PGCKA1: variants seen among roughly 807,000 people sequenced by gnomAD.
The protein encoded by PGCKA1 is PDCD10 and GCKIII kinases-associated protein 1.
chr4:37,591,057 T>G, the PGCKA1 span: 117,966 of 1,429,436 alleles, frequency 0.083, 6,208 homozygotes, highest in East Asian at 0.29. Flanking sequence ...GCAGATGCAT[T>G]TGCTCCCTGG....
At chr4:37,581,319 C>T in the PGCKA1 span, among the ~76,000 whole-genome samples, 1 of 152,114 alleles carries the variant, frequency 6.6e-6, no homozygotes, top group Non-Finnish European at 1.5e-5. This position sits in a 1 kb window ranked among gnomAD's most constrained non-coding sequence, Gnocchi z 4.4. Flanking sequence ...AGTCTCTCCC[C>T]ATAGCCACCA....
At chr4:37,533,499 TTC>T in the PGCKA1 span, among the ~76,000 whole-genome samples, 3 of 152,208 alleles carry the variant, frequency 2.0e-5, no homozygotes, top group Non-Finnish European at 4.4e-5. Flanking sequence ...CTGCATTACA[TTC>T]CACATTGCAG....
the PGCKA1 span, among the ~76,000 whole-genome samples, chr4:37,475,186 A>T: frequency 6.6e-6 from 1 of 152,206 alleles, no homozygotes; most frequent in Non-Finnish European, 1.5e-5. Context: ...GGTTTGGAGG[A>T]AATGCAACCA....
At chr4:37,548,001 C>CAAAAAA in the PGCKA1 span, among the ~76,000 whole-genome samples, 1,412 of 115,640 alleles carry the variant, frequency 0.012, 16 homozygotes, top group African/African-American at 0.043. Context: ...TGGTTATCTT[C>CAAAAAA]AAAAAAAAAA....
At chr4:37,507,024 T>C in the PGCKA1 span, among the ~76,000 whole-genome samples, 1 of 152,154 alleles carries the variant, frequency 6.6e-6, no homozygotes, top group Non-Finnish European at 1.5e-5. Context: ...TCCTTTATTA[T>C]TACATAATGA....
the PGCKA1 span, among the ~76,000 whole-genome samples, chr4:37,509,556 G>A: frequency 4.6e-5 from 7 of 151,868 alleles, no homozygotes; most frequent in African/African-American, 1.5e-4. Flanking sequence ...CTTCCCAGAC[G>A]GGGTGGCGGC....
chr4:37,568,653 G>GT, the PGCKA1 span, among the ~76,000 whole-genome samples: 1 of 152,214 alleles, frequency 6.6e-6, no homozygotes, highest in Non-Finnish European at 1.5e-5. Context: ...CCAGAGGGCA[G>GT]TATTGCGAAG....
chr4:37,572,777 TTG>T, the PGCKA1 span, among the ~76,000 whole-genome samples: 1 of 152,252 alleles, frequency 6.6e-6, no homozygotes, highest in Non-Finnish European at 1.5e-5. Flanking sequence ...TTTTAATAAT[TTG>T]TGCATGAAAC....
the PGCKA1 span, among the ~76,000 whole-genome samples, chr4:37,564,500 C>A: frequency 8.9e-6 from 1 of 112,180 alleles, no homozygotes; most frequent in African/African-American, 2.9e-5. Flanking sequence ...GGGTGTCTGA[C>A]TTTTTTATTT....
At chr4:37,491,860 C>G in the PGCKA1 span, among the ~76,000 whole-genome samples, 11 of 152,018 alleles carry the variant, frequency 7.2e-5, no homozygotes, top group African/African-American at 2.6e-4. Flanking sequence ...TGTTTTTTCA[C>G]TCTAATTTCT....
chr4:37,537,585 T>C, the PGCKA1 span, among the ~76,000 whole-genome samples: 1 of 152,196 alleles, frequency 6.6e-6, no homozygotes, highest in Non-Finnish European at 1.5e-5. Context: ...ATTACCTTTC[T>C]TCAGTCCTGT....
chr4:37,535,910 T>TC, the PGCKA1 span, among the ~76,000 whole-genome samples: 45 of 152,330 alleles, frequency 3.0e-4, no homozygotes, highest in Middle Eastern at 3.4e-3. Flanking sequence ...ATAAAGCAAG[T>TC]TCCTTAACCT....
the PGCKA1 span, among the ~76,000 whole-genome samples, chr4:37,538,479 T>C: frequency 4.3e-3 from 649 of 152,308 alleles, 19 homozygotes; most frequent in East Asian, 0.037. Flanking sequence ...GAGACACACC[T>C]TGCCATCTCC....
the PGCKA1 span, among the ~76,000 whole-genome samples, chr4:37,545,943 T>G: frequency 6.6e-6 from 1 of 152,210 alleles, no homozygotes; most frequent in Non-Finnish European, 1.5e-5. Flanking sequence ...GAAGTCCTAC[T>G]TTGTATTTCT....
At chr4:37,576,696 TATG>T in the PGCKA1 span, among the ~76,000 whole-genome samples, 1 of 152,174 alleles carries the variant, frequency 6.6e-6, no homozygotes, top group African/African-American at 2.4e-5. Flanking sequence ...CCCCATTCAG[TATG>T]ATACTAGCTA....
the PGCKA1 span, among the ~76,000 whole-genome samples, chr4:37,517,073 A>T: frequency 6.6e-6 from 1 of 151,950 alleles, no homozygotes; most frequent in African/African-American, 2.4e-5. Flanking sequence ...AACATGAAGA[A>T]ACCCTGTCTC....
At chr4:37,481,339 C>T in the PGCKA1 span, among the ~76,000 whole-genome samples, 1 of 151,808 alleles carries the variant, frequency 6.6e-6, no homozygotes, top group African/African-American at 2.4e-5. Flanking sequence ...ATGGCGTGCA[C>T]CTGTAGTCCC....
the PGCKA1 span, among the ~76,000 whole-genome samples, chr4:37,566,585 TTTTTA>T: frequency 1.8e-3 from 271 of 150,472 alleles, 2 homozygotes; most frequent in African/African-American, 6.2e-3. Flanking sequence ...TTTCTGAGGC[TTTTTA>T]TTTTATTTTT....
chr4:37,543,896 T>C, the PGCKA1 span, among the ~76,000 whole-genome samples: 1 of 151,926 alleles, frequency 6.6e-6, no homozygotes, highest in Admixed American at 6.6e-5. Flanking sequence ...AGCTGTGCCC[T>C]CTCTTGTATA....
Sources: allele counts gnomAD v4.1 joint callset (sites outside exome capture counted in the v4.1 genomes callset), GRCh38; gene constraint gnomAD v4.1.1; non-coding constraint Gnocchi (gnomAD v3.1); transcripts MANE v1.5; gene names NCBI Gene and HGNC (gene_info 2026-07-23, HGNC 2026-07-21).